Variants in ADCY2 observed in about 807,000 individuals in gnomAD.
ADCY2 encodes adenylate cyclase type 2.
In ADCY2, 31 loss-of-function variants were observed where a neutral mutation model predicts 125.2. The observed-to-expected ratio is 0.25, with a 90% CI of 0.19 to 0.33. ADCY2 has a LOEUF of 0.33. Among genes scored for constraint, ADCY2 ranks in the 10% least tolerant of loss-of-function variants. ADCY2 has a pLI of 1.00. For missense variants in ADCY2, 904 were observed against 1,418.2 expected (o/e 0.64, Z 5.82); for synonymous variants, 512 against 548.4 (o/e 0.93, Z 0.93).
At chr5:7,503,960 G>T (rs993751043) in intron 2 of ADCY2, among the ~76,000 whole-genome samples, 1 of 152,148 alleles carries the variant, frequency 6.6e-6, no homozygotes, top group Non-Finnish European at 1.5e-5. Context: ...CACTGTCCTG[G>T]GTTTGTCCTT....
chr5:7,692,741 C>T (rs1195350361), intron 5 of ADCY2, among the ~76,000 whole-genome samples: 3 of 152,188 alleles, frequency 2.0e-5, no homozygotes, highest in Non-Finnish European at 2.9e-5. Flanking sequence ...TGTCTCATGA[C>T]ATTGCATTCC....
intron 8 of ADCY2, among the ~76,000 whole-genome samples, 158 bp from the exon 9 acceptor site, chr5:7,707,547 CT>C (rs761031270): frequency 6.6e-6 from 1 of 152,254 alleles, no homozygotes; most frequent in Non-Finnish European, 1.5e-5. Flanking sequence ...CTAAGAGCAT[CT>C]TTCCAAAGCA....
At chr5:7,406,560 A>T (rs1411152775) in intron 1 of ADCY2, among the ~76,000 whole-genome samples, 1 of 152,224 alleles carries the variant, frequency 6.6e-6, no homozygotes, top group Non-Finnish European at 1.5e-5. Flanking sequence ...CTCTTGTTTT[A>T]GGAGATAGTC....
chr5:7,415,443 C>G (rs1739901959), intron 2 of ADCY2, among the ~76,000 whole-genome samples: 1 of 152,214 alleles, frequency 6.6e-6, no homozygotes, highest in Non-Finnish European at 1.5e-5. Flanking sequence ...TCTCGAACCA[C>G]AGTTTCGACA....
At chr5:7,555,217 C>G (rs4410621) in intron 3 of ADCY2, among the ~76,000 whole-genome samples, 148,070 of 152,322 alleles carry the variant, frequency 0.97, 72,081 homozygotes, top group Non-Finnish European at 1. Flanking sequence ...AAGTTTCATC[C>G]TACAGGGAGT....
intron 2 of ADCY2, among the ~76,000 whole-genome samples, chr5:7,500,713 G>A (rs191330093): frequency 4.6e-5 from 7 of 152,240 alleles, no homozygotes; most frequent in Admixed American, 1.3e-4. Context: ...AGGATGATCC[G>A]GAAACATGAG....
intron 7 of ADCY2, among the ~76,000 whole-genome samples, chr5:7,706,401 G>T (rs1419338196): frequency 6.6e-6 from 1 of 152,184 alleles, no homozygotes; most frequent in African/African-American, 2.4e-5. Context: ...ACATTACAAG[G>T]CAATGTCACG....
rs147376591 is a variant in ADCY2 at position 7,428,632 on chromosome 5, CA to C, written c.408+13863del. Among the ~76,000 whole-genome samples, 873 of 152,192 alleles carry C rather than the reference CA, an allele frequency of 5.7e-3. 6 individuals carry two copies. The highest frequency in any genetic ancestry group is 0.02 in the African/African-American group (816 of 41,532). ...AGATTAATAAGTATTCTGTTAAAACCAGTGAGGGGATAATTTCATTCCCAAG... is the reference window on the plus strand; with the variant it reads ...AGATTAATAAGTATTCTGTTAAAACCGTGAGGGGATAATTTCATTCCCAAG... On this transcript the variant is annotated intron_variant, in intron 2 of 24. Transcript: ENST00000338316.
intron 3 of ADCY2, among the ~76,000 whole-genome samples, chr5:7,547,729 G>A (rs1735193457): frequency 6.6e-6 from 1 of 152,144 alleles, no homozygotes; most frequent in African/African-American, 2.4e-5. Flanking sequence ...GTGTCAGCAG[G>A]GGCTGACCTG....
chr5:7,413,183 T>C (rs187168233), intron 1 of ADCY2, among the ~76,000 whole-genome samples: 1 of 152,298 alleles, frequency 6.6e-6, no homozygotes, highest in Admixed American at 6.5e-5. Flanking sequence ...AGTGTGAAGT[T>C]AGAGCTGCCA....
intron 3 of ADCY2, among the ~76,000 whole-genome samples, chr5:7,589,511 A>AAAGAAAGAGAAAG (rs757777978): frequency 1.0e-4 from 11 of 110,470 alleles, no homozygotes; most frequent in Non-Finnish European, 2.2e-4. Context: ...AGAAAGAAAG[A>AAAGAAAGAGAAAG]AAAGAAAAGA....
chr5:7,400,447 G>C (rs1418214127), intron 1 of ADCY2, among the ~76,000 whole-genome samples: 3 of 152,170 alleles, frequency 2.0e-5, no homozygotes, highest in South Asian at 2.1e-4. Flanking sequence ...TATCAGAGAG[G>C]TTCTTTTGTG....
chr5:7,407,867 C>CTTTTTT (rs963332049), intron 1 of ADCY2, among the ~76,000 whole-genome samples: 3 of 127,920 alleles, frequency 2.3e-5, no homozygotes, highest in Non-Finnish European at 3.4e-5. Context: ...CTCTTCAGTT[C>CTTTTTT]TTTTTTTTTT....
intron 3 of ADCY2, among the ~76,000 whole-genome samples, chr5:7,589,506 G>GAAAGAAAGAAAGAAAGAAAAGA (rs530283052): frequency 1.2e-3 from 115 of 93,836 alleles, no homozygotes; most frequent in East Asian, 2.3e-3. Flanking sequence ...AAGAAAGAAA[G>GAAAGAAAGAAAGAAAGAAAAGA]AAAGAAAAGA....
chr5:7,476,790 TTC>T lies in ADCY2; in HGVS notation c.409-43944_409-43943del, dbSNP rs554637144. On this transcript the variant is annotated intron_variant, in intron 2 of 24. Coordinates refer to ENST00000338316, the MANE Select transcript of ADCY2 (RefSeq NM_020546.3). Reference sequence around the variant, plus strand: ...TCAAAAAGTTCCACTGCTCACATTATTCTCTTATTTATAAGTCAATGTCTTGT... The same window carrying T: ...TCAAAAAGTTCCACTGCTCACATTATTCTTATTTATAAGTCAATGTCTTGT... Among the ~76,000 whole-genome samples the T allele has an allele frequency of 3.0e-4, 46 of 152,348 alleles. No individual in the cohort carries two copies. The South Asian group carries it at 4.1e-3, about 14-fold the overall frequency.
At chr5:7,698,410 C>CT (rs1290709591) in intron 7 of ADCY2, 36 bp downstream of exon 7, 1 of 1,611,670 alleles carries the variant, frequency 6.2e-7, no homozygotes, top group South Asian at 1.1e-5. Context: ...TTGTTATATG[C>CT]TTTAAGTTCT....
intron 7 of ADCY2, among the ~76,000 whole-genome samples, chr5:7,700,785 G>A (rs955027184): frequency 7.3e-5 from 10 of 137,012 alleles, no homozygotes; most frequent in South Asian, 4.5e-4. Context: ...GGAGAGACCC[G>A]CATGTTCCAT....
intron 10 of ADCY2, among the ~76,000 whole-genome samples, chr5:7,710,990 A>C (rs1366109709): frequency 6.6e-6 from 1 of 152,236 alleles, no homozygotes; most frequent in Non-Finnish European, 1.5e-5. Flanking sequence ...AATTGAGATG[A>C]CAAATACAAG....
rs771536862 is a variant in ADCY2 at position 7,520,890 on chromosome 5, G to T, written c.561G>T (p.Leu187=). ...LSATPGGKEH[L]VWQILANVII... ...CAACACCGGGAGGCAAGGAGCACCT[G>T]GTCTGGCAGGTGGGTGCACCTCCAC... The change falls in exon 3 of 25, where the codon CTG becomes CTT. Residue 187 remains leucine (L), a synonymous_variant. Transcript: ENST00000338316. 6.2e-7 allele frequency: 1 copy of T among 1,614,038 alleles called. No individual in the cohort carries two copies. Among genetic ancestry groups the T allele is most frequent in the South Asian group, 1.1e-5 (1 of 91,078 alleles).
Sources: allele counts gnomAD v4.1 joint callset (sites outside exome capture counted in the v4.1 genomes callset), GRCh38; gene constraint gnomAD v4.1.1; transcripts MANE v1.5; gene names NCBI Gene and HGNC (gene_info 2026-07-23, HGNC 2026-07-21).